The following PPFIBP2 variants were observed in gnomAD, a reference collection of about 807,000 sequenced individuals.
The protein encoded by PPFIBP2 is PPFIB scaffold protein 2, also known as liprin-beta-2.
A neutral mutation model predicts 118.3 loss-of-function variants in PPFIBP2; 118 were observed. That is an observed-to-expected ratio of 1.00 (90% CI 0.86 to 1.16). The LOEUF is 1.16. Ranked by LOEUF, PPFIBP2 falls within the 50% of genes most tolerant of loss-of-function variation. The pLI, the probability that PPFIBP2 is intolerant of heterozygous loss-of-function variation, is 0.00. For synonymous variants in PPFIBP2, 414 were observed against 397.4 expected, an observed-to-expected ratio of 1.04 and a Z score of -0.50; for missense variants, 1,195 against 1,073.1, an observed-to-expected ratio of 1.11 and a Z score of -1.59.
At chr11:7,599,009 T>C (rs1860914385) in intron 5 of PPFIBP2, among the ~76,000 whole-genome samples, 1 of 141,940 alleles carries the variant, frequency 7.0e-6, no homozygotes. Flanking sequence ...ATTACCACAT[T>C]CTTGGCGCCA....
At chr11:7,529,425 T>G (rs1007507604) in intron 1 of PPFIBP2, among the ~76,000 whole-genome samples, 9 of 152,200 alleles carry the variant, frequency 5.9e-5, no homozygotes, top group Non-Finnish European at 8.8e-5. Flanking sequence ...AGTGATTGCC[T>G]GTCTGGCTAT....
At chr11:7,517,053 C>T (rs971437222) in intron 1 of PPFIBP2, among the ~76,000 whole-genome samples, 1 of 152,094 alleles carries the variant, frequency 6.6e-6, no homozygotes, top group East Asian at 1.9e-4. Flanking sequence ...TGGTATCCAT[C>T]GTGTCGTTGT....
rs60848890 is a variant in PPFIBP2, at chr11:7,562,929, T to TTATATA, written c.65-2581_65-2576dup. Among the ~76,000 whole-genome samples, 169 of 86,404 alleles carry TTATATA rather than the reference T, an allele frequency of 2.0e-3. 2 individuals carry two copies. Among genetic ancestry groups the TTATATA allele is most frequent in the South Asian group, 4.8e-3 (9 of 1,866 alleles). The allele number at this position is 86,404 out of a possible 152,430, so 56.7% of individuals were successfully genotyped here. ...TTTCAAAGAAATAGAAATTAAAGTT[T>TTATATA]TATATATATATATATATATATATAT... On this transcript the variant is annotated intron_variant, in intron 2 of 23. Transcript: ENST00000299492.
At chr11:7,660,756 G>A (rs1220924714), downstream of PPFIBP2, among the ~76,000 whole-genome samples, 2 of 150,800 alleles carry the variant, frequency 1.3e-5, no homozygotes, top group Non-Finnish European at 3.0e-5. Flanking sequence ...GGTAGAATTC[G>A]GCTGTGAATC....
intron 1 of PPFIBP2, among the ~76,000 whole-genome samples, chr11:7,525,896 T>G (rs1850187764): frequency 6.6e-6 from 1 of 152,054 alleles, no homozygotes; most frequent in Admixed American, 6.5e-5. Flanking sequence ...CCAAGGACAG[T>G]CAGGAAGATA....
chr11:7,589,971 G>T (rs1273960431), intron 3 of PPFIBP2, among the ~76,000 whole-genome samples: 50 of 135,428 alleles, frequency 3.7e-4, no homozygotes, highest in Non-Finnish European at 6.7e-5. Context: ...ATCCCATTTT[G>T]ATAACCACAA....
intron 13 of PPFIBP2, 147 bp from the exon 14 acceptor site, chr11:7,635,405 G>A: frequency 2.6e-6 from 2 of 758,288 alleles, no homozygotes; most frequent in Non-Finnish European, 4.5e-6. Context: ...TTCCTGCCCT[G>A]GATGGTGATT....
intron 1 of PPFIBP2, among the ~76,000 whole-genome samples, chr11:7,520,300 A>G (rs1286491130): frequency 2.0e-5 from 3 of 152,048 alleles, no homozygotes; most frequent in Non-Finnish European, 4.4e-5. Flanking sequence ...TTTGGTTTTC[A>G]GGGGGTACGT....
At chr11:7,598,495 G>T in intron 5 of PPFIBP2, 1 of 156,634 alleles carries the variant, frequency 6.4e-6, no homozygotes, top group Non-Finnish European at 1.4e-5. Context: ...AAGCGAATTA[G>T]GTTTTTAAAT....
At chr11:7,656,512 A>C (rs914494294), downstream of PPFIBP2, among the ~76,000 whole-genome samples, 3 of 152,216 alleles carry the variant, frequency 2.0e-5, no homozygotes, top group African/African-American at 7.2e-5. Flanking sequence ...GCCTGAAAAT[A>C]GAAAATTTAT....
chr11:7,528,999 C>A (rs1224024958), intron 1 of PPFIBP2, among the ~76,000 whole-genome samples: 1 of 152,170 alleles, frequency 6.6e-6, no homozygotes, highest in Non-Finnish European at 1.5e-5. Flanking sequence ...GTCCTTCAGA[C>A]TTCCTAATGG....
intron 5 of PPFIBP2, among the ~76,000 whole-genome samples, chr11:7,598,697 A>G (rs370234968): frequency 2.0e-5 from 3 of 152,316 alleles, no homozygotes; most frequent in Middle Eastern, 6.8e-3. Flanking sequence ...AGTGGATTCA[A>G]TTAGAGGACT....
At chr11:7,660,156 A>T (rs1171346246), downstream of PPFIBP2, among the ~76,000 whole-genome samples, 1 of 127,334 alleles carries the variant, frequency 7.9e-6, no homozygotes, top group African/African-American at 2.5e-5. Flanking sequence ...CTCCTGCCTA[A>T]TTGCCCTGGC....
chr11:7,666,643 T>A, the PPFIBP2 span: 2 of 793,908 alleles, frequency 2.5e-6, no homozygotes, highest in Non-Finnish European at 4.1e-6. Flanking sequence ...TGGCCAAAGC[T>A]GCCACCACTC....
chr11:7,624,981 G>A (rs898682339), intron 7 of PPFIBP2, among the ~76,000 whole-genome samples: 2 of 152,222 alleles, frequency 1.3e-5, no homozygotes, highest in Non-Finnish European at 2.9e-5. Flanking sequence ...ATCTCCTGAT[G>A]AGTATGGGAA....
intron 5 of PPFIBP2, among the ~76,000 whole-genome samples, chr11:7,607,127 G>T (rs1414688761): frequency 1.3e-5 from 2 of 150,270 alleles, no homozygotes; most frequent in Admixed American, 6.6e-5. Context: ...CGTCAGGATG[G>T]TCTCAATCTC....
chr11:7,615,859 A>G (rs963146338), intron 6 of PPFIBP2, among the ~76,000 whole-genome samples: 6 of 152,242 alleles, frequency 3.9e-5, no homozygotes, highest in Non-Finnish European at 8.8e-5. Context: ...CATAACTCTG[A>G]CAATTTAAAA....
intron 3 of PPFIBP2, among the ~76,000 whole-genome samples, chr11:7,578,219 T>C (rs1393277300): frequency 6.6e-6 from 1 of 152,252 alleles, no homozygotes; most frequent in Non-Finnish European, 1.5e-5. Context: ...GAGCAAGGAA[T>C]GAACGGACGT....
At chr11:7,579,431 A>G (rs1856934394) in intron 3 of PPFIBP2, among the ~76,000 whole-genome samples, 2 of 152,138 alleles carry the variant, frequency 1.3e-5, no homozygotes, top group African/African-American at 4.8e-5. Context: ...AAAGGTTTGC[A>G]TCATCTTAGG....
Sources: allele counts gnomAD v4.1 joint callset (sites outside exome capture counted in the v4.1 genomes callset), GRCh38; gene constraint gnomAD v4.1.1; transcripts MANE v1.5; gene names NCBI Gene and HGNC (gene_info 2026-07-23, HGNC 2026-07-21).